TCERG1L: variants seen among roughly 807,000 people sequenced by gnomAD.
The protein encoded by TCERG1L is transcription elongation regulator 1-like protein.
TCERG1L carries 37 observed loss-of-function variants against 56.3 expected under a neutral mutation model. The ratio of observed to expected loss-of-function variants is 0.66; its 90% CI spans 0.51 to 0.87. The LOEUF (loss-of-function observed/expected upper bound fraction) is 0.87, where lower values mean the gene tolerates loss of function less well. Among genes scored for constraint, TCERG1L ranks in the 40% least tolerant of loss-of-function variants. The pLI is 0.00. For missense variants in TCERG1L, 799 were observed against 774.2 expected (o/e 1.03, Z -0.38); for synonymous variants, 324 against 326.3 (o/e 0.99, Z 0.08).
At chr10:131,296,933 C>T (rs1846699028) in intron 3 of TCERG1L, among the ~76,000 whole-genome samples, 1 of 152,176 alleles carries the variant, frequency 6.6e-6, no homozygotes, top group Non-Finnish European at 1.5e-5. Context: ...TGTACATTGA[C>T]CTTGCATCCT....
intron 7 of TCERG1L, among the ~76,000 whole-genome samples, chr10:131,141,970 C>A (rs1263525968): frequency 6.6e-6 from 1 of 152,090 alleles, no homozygotes; most frequent in Admixed American, 6.5e-5. Flanking sequence ...GCAAGCTCCA[C>A]CCTCACACTC....
chr10:131,283,136 C>T (rs780761817), intron 3 of TCERG1L, among the ~76,000 whole-genome samples: 1 of 152,214 alleles, frequency 6.6e-6, no homozygotes, highest in Non-Finnish European at 1.5e-5. Context: ...GCCACGGTGC[C>T]GTGAGCAAGG....
chr10:131,146,556 T>C lies in TCERG1L; in HGVS notation c.1139A>G (p.Asn380Ser), dbSNP rs1314319228. 7 of 1,613,788 alleles carry C rather than the reference T, an allele frequency of 4.3e-6. No homozygotes were observed. In the South Asian group the frequency reaches 5.5e-5, roughly 13 times the overall value. Reference protein sequence around the residue: ...PMDLKDRGDLNRIIEDPPHKR... With the variant: ...PMDLKDRGDLSRIIEDPPHKR... ...GTGGGGCGGGTCCTCAATGATCCTG[T>C]TGAGGTCTCCGCGGTCCTTCAGGTC... Residue 380 changes from asparagine to serine, a missense_variant, in exon 7 of 12, where the codon AAC (asparagine) becomes AGC (serine). Transcript: ENST00000368642.
At chr10:131,212,914 G>C (rs528314988) in intron 4 of TCERG1L, among the ~76,000 whole-genome samples, 4 of 152,380 alleles carry the variant, frequency 2.6e-5, no homozygotes, top group Admixed American at 6.5e-5. Context: ...CACCGCTGGA[G>C]TGCTTCTTAC....
At chr10:131,128,626 A>G (rs1004593292) in intron 8 of TCERG1L, among the ~76,000 whole-genome samples, 1 of 152,212 alleles carries the variant, frequency 6.6e-6, no homozygotes, top group Non-Finnish European at 1.5e-5. Context: ...GGAAAGAATC[A>G]AGTGTTTATT....
intron 3 of TCERG1L, among the ~76,000 whole-genome samples, chr10:131,272,937 A>G (rs1413121030): frequency 1.3e-5 from 2 of 152,164 alleles, no homozygotes; most frequent in South Asian, 2.1e-4. Context: ...CCCAGCCGGG[A>G]GCTCTGTAGC....
At chr10:131,244,810 G>A (rs539433962) in intron 4 of TCERG1L, among the ~76,000 whole-genome samples, 2 of 152,276 alleles carry the variant, frequency 1.3e-5, no homozygotes, top group African/African-American at 4.8e-5. Flanking sequence ...GTGGGCCCAG[G>A]TGTCCCCCAG....
chr10:131,221,312 G>T (rs1410362548), intron 4 of TCERG1L, among the ~76,000 whole-genome samples: 1 of 152,220 alleles, frequency 6.6e-6, no homozygotes, highest in East Asian at 1.9e-4. Context: ...GAGTGGGAGA[G>T]ACTCAATTCA....
intron 1 of TCERG1L, among the ~76,000 whole-genome samples, chr10:131,310,003 TG>T (rs1188854048): frequency 6.6e-6 from 1 of 152,132 alleles, no homozygotes; most frequent in Non-Finnish European, 1.5e-5. Flanking sequence ...CTCAATGACA[TG>T]GAACGTTTCA....
chr10:131,137,591 C>G (rs529893406), intron 7 of TCERG1L, among the ~76,000 whole-genome samples: 1 of 152,194 alleles, frequency 6.6e-6, no homozygotes, highest in Non-Finnish European at 1.5e-5. Flanking sequence ...CACACCAGAA[C>G]GTACCCAGGG....
intron 3 of TCERG1L, among the ~76,000 whole-genome samples, chr10:131,294,257 T>C (rs983166643): frequency 2.6e-5 from 4 of 152,066 alleles, no homozygotes; most frequent in Non-Finnish European, 5.9e-5. Flanking sequence ...AATCATGGCT[T>C]CCTGAAGCCA....
At position 131,093,143 on chromosome 10, in the gene TCERG1L, A is replaced by G; in HGVS notation, c.*19T>C. 2 of 1,610,954 alleles carry G rather than the reference A, an allele frequency of 1.2e-6. No individual in the cohort carries two copies. Among genetic ancestry groups the G allele is most frequent in the Non-Finnish European group, 1.7e-6 (2 of 1,178,484 alleles). On this transcript the variant is annotated 3_prime_UTR_variant, in exon 12 of 12. Transcript: ENST00000368642. ...ACGCCCAGGGTCAACCCCCGGGCTT[A>G]TTGCATTTTTTCACAAACTCATCTC... is the stretch of plus-strand genomic sequence containing the variant.
intron 4 of TCERG1L, among the ~76,000 whole-genome samples, chr10:131,187,776 G>A (rs1845262074): frequency 6.6e-6 from 1 of 152,176 alleles, no homozygotes; most frequent in Non-Finnish European, 1.5e-5. Context: ...TTTCATGACA[G>A]GCCAATGCAG....
At chr10:131,211,430 C>G (rs1315710277) in intron 4 of TCERG1L, among the ~76,000 whole-genome samples, 1 of 152,226 alleles carries the variant, frequency 6.6e-6, no homozygotes, top group African/African-American at 2.4e-5. Context: ...CAACCCCTTT[C>G]CCGGTGTTCT....
intron 4 of TCERG1L, among the ~76,000 whole-genome samples, chr10:131,217,219 C>T (rs1219877307): frequency 6.6e-6 from 1 of 152,152 alleles, no homozygotes; most frequent in Non-Finnish European, 1.5e-5. Flanking sequence ...GTGAGTTTTC[C>T]TGAGATCTGG....
intron 3 of TCERG1L, among the ~76,000 whole-genome samples, chr10:131,304,357 T>C (rs990621842): frequency 3.9e-5 from 6 of 151,984 alleles, no homozygotes; most frequent in Non-Finnish European, 7.4e-5. Context: ...AGAGACTCCT[T>C]GGAGGGTACT....
chr10:131,288,306 C>T (rs1003150568), intron 3 of TCERG1L, among the ~76,000 whole-genome samples: 1 of 152,214 alleles, frequency 6.6e-6, no homozygotes, highest in Non-Finnish European at 1.5e-5. Flanking sequence ...GCACCCAACC[C>T]GGTTTGAGAA....
At position 131,166,865 on chromosome 10, in the gene TCERG1L, G is replaced by C; in HGVS notation, c.877C>G (p.Arg293Gly). ...ATCAGGGCAGGAGGGCGGGCCACTC[G>C]GCCCCGCTCTGTCCTTGTATCTGTT... Reference protein sequence around the residue: ...PVSDTRTERGRVARPPALMLR... With the variant: ...PVSDTRTERGGVARPPALMLR... Residue 293 changes from arginine (R) to glycine (G), a missense_variant, in exon 5 of 12, where the codon CGA (arginine) becomes GGA (glycine). Transcript: ENST00000368642. The C allele has an allele frequency of 6.2e-7, 1 of 1,612,832 alleles. No individual in the cohort carries two copies. The highest frequency in any genetic ancestry group is 1.1e-5 in the South Asian group (1 of 91,042).
At chr10:131,139,561 A>G (rs1211409594) in intron 7 of TCERG1L, among the ~76,000 whole-genome samples, 1 of 152,186 alleles carries the variant, frequency 6.6e-6, no homozygotes, top group Non-Finnish European at 1.5e-5. Context: ...AATCTCTAAC[A>G]TGTTTGTGCA....
Sources: gnomAD v4.1 joint callset for allele counts (sites outside exome capture counted in the v4.1 genomes callset) on GRCh38, gnomAD v4.1.1 for gene constraint, MANE v1.5 for transcripts, NCBI Gene and HGNC (gene_info 2026-07-23, HGNC 2026-07-21) for gene names.